Variants in DTD1 observed in about 807,000 individuals in gnomAD.
The protein encoded by DTD1 is D-tyrosyl-tRNA deacylase 1 homolog.
In DTD1, 13 loss-of-function variants were observed where a neutral mutation model predicts 25.6. The ratio of observed to expected loss-of-function variants is 0.51; its 90% CI spans 0.33 to 0.81. The LOEUF is 0.81. Ranked by LOEUF, DTD1 falls within the 30% of genes least tolerant of loss-of-function variation. The pLI is 0.02. For synonymous variants in DTD1, 110 were observed against 103.6 expected (o/e 1.06, Z -0.37); for missense variants, 193 against 266.4 (o/e 0.72, Z 1.92).
intron 4 of DTD1, among the ~76,000 whole-genome samples, chr20:18,702,744 C>CGA (rs2061111031): frequency 8.1e-6 from 1 of 123,116 alleles, no homozygotes; most frequent in African/African-American, 3.1e-5. Flanking sequence ...TGGAATGAGG[C>CGA]AAAAAAAAAA....
intron 4 of DTD1, among the ~76,000 whole-genome samples, chr20:18,741,255 A>G (rs565517039): frequency 6.6e-6 from 1 of 152,324 alleles, no homozygotes; most frequent in South Asian, 2.1e-4. Context: ...CAGTGGCGTG[A>G]TCTCGGCTCA....
intron 5 of DTD1, among the ~76,000 whole-genome samples, chr20:18,748,340 T>A (rs1474162641): frequency 1.3e-5 from 2 of 152,242 alleles, no homozygotes; most frequent in Non-Finnish European, 2.9e-5. Flanking sequence ...TTTTGCTTTA[T>A]ATCTGATCAG....
intron 3 of DTD1, among the ~76,000 whole-genome samples, chr20:18,606,377 T>C (rs2060657977): frequency 1.5e-5 from 2 of 136,492 alleles, no homozygotes; most frequent in African/African-American, 5.5e-5. Flanking sequence ...TGGCGATTCC[T>C]CAGGGATCTA....
intron 4 of DTD1, among the ~76,000 whole-genome samples, chr20:18,708,026 C>G (rs2061133376): frequency 6.7e-6 from 1 of 150,108 alleles, no homozygotes; most frequent in South Asian, 2.1e-4. Flanking sequence ...TGGTTAGGAG[C>G]TTGGGGAGAC....
intron 4 of DTD1, among the ~76,000 whole-genome samples, chr20:18,628,988 A>ATTTTT (rs10594706): frequency 1.4e-5 from 1 of 71,554 alleles, no homozygotes. Context: ...TCAAAGCCTG[A>ATTTTT]TTTTTTTTTT....
At chr20:18,662,780 T>C (rs1042494267) in intron 4 of DTD1, among the ~76,000 whole-genome samples, 3 of 152,068 alleles carry the variant, frequency 2.0e-5, no homozygotes, top group African/African-American at 7.2e-5. Context: ...TCCTTTTAAA[T>C]AGATATAAAA....
At chr20:18,595,101 G>C (rs949269801) in intron 2 of DTD1, among the ~76,000 whole-genome samples, 5 of 152,164 alleles carry the variant, frequency 3.3e-5, no homozygotes, top group African/African-American at 7.2e-5. Flanking sequence ...GATGTCACCT[G>C]GTCAACTTTC....
chr20:18,712,364 C>A (rs1334716964), intron 4 of DTD1, among the ~76,000 whole-genome samples: 1 of 115,440 alleles, frequency 8.7e-6, no homozygotes, highest in Non-Finnish European at 1.6e-5. Context: ...CATATGATAT[C>A]ATTTTCATAA....
At chr20:18,588,908 CATTT>C in intron 1 of DTD1, 2 of 972,362 alleles carry the variant, frequency 2.1e-6, no homozygotes, top group African/African-American at 3.5e-5. Flanking sequence ...TTTTAAAAAA[CATTT>C]AAATGACAAG....
At chr20:18,645,281 TATTGAAGCATCTA>T (rs1205126665) in intron 4 of DTD1, among the ~76,000 whole-genome samples, 3 of 152,212 alleles carry the variant, frequency 2.0e-5, no homozygotes, top group African/African-American at 7.2e-5. Flanking sequence ...TCAGGAGTTT[TATTGAAGCATCTA>T]ATTTTCACCT....
At chr20:18,679,551 G>C (rs968882726) in intron 4 of DTD1, among the ~76,000 whole-genome samples, 1 of 152,158 alleles carries the variant, frequency 6.6e-6, no homozygotes, top group African/African-American at 2.4e-5. Context: ...GATTGTCAGG[G>C]GGAAGAATAA....
At chr20:18,711,052 G>T (rs1459722375) in intron 4 of DTD1, among the ~76,000 whole-genome samples, 1 of 152,180 alleles carries the variant, frequency 6.6e-6, no homozygotes, top group Non-Finnish European at 1.5e-5. Flanking sequence ...AGGTGAGTCT[G>T]GAGCAGTGCT....
Position 18,671,270 on chromosome 20 carries a change from G to C in DTD1, c.477+43037G>C, listed in dbSNP as rs138750806. Among the ~76,000 whole-genome samples, 760 of 152,310 alleles carry C rather than the reference G, an allele frequency of 5.0e-3. 7 individuals carry two copies. The highest frequency in any genetic ancestry group is 0.018 in the African/African-American group (738 of 41,566). On this transcript the variant is annotated intron_variant, in intron 4 of 5. Coordinates refer to ENST00000377452, the MANE Select transcript of DTD1 (RefSeq NM_080820.6). ...TTACTTTAATGGCTTATTTAATTGA[G>C]AACATTTCAATGAAAAAATGTTTAA... is the stretch of plus-strand genomic sequence containing the variant.
chr20:18,669,411 G>T (rs766911258), intron 4 of DTD1, among the ~76,000 whole-genome samples: 1 of 152,132 alleles, frequency 6.6e-6, no homozygotes, highest in Admixed American at 6.5e-5. Context: ...AGGTATTTCC[G>T]CCTGAAAGTT....
chr20:18,733,914 C>T (rs955719924), intron 4 of DTD1, among the ~76,000 whole-genome samples: 1 of 152,180 alleles, frequency 6.6e-6, no homozygotes, highest in Non-Finnish European at 1.5e-5. Context: ...CATAATGGCA[C>T]TCTACACGGT....
At chr20:18,751,741 A>G (rs2061322029) in intron 5 of DTD1, among the ~76,000 whole-genome samples, 1 of 151,792 alleles carries the variant, frequency 6.6e-6, no homozygotes, top group South Asian at 2.1e-4. Flanking sequence ...TGATCCACAC[A>G]CCTCAGCCTC....
chr20:18,620,359 G>T (rs1221521520), intron 3 of DTD1, among the ~76,000 whole-genome samples: 6 of 152,132 alleles, frequency 3.9e-5, no homozygotes, highest in Non-Finnish European at 8.8e-5. Flanking sequence ...AACTCAATGG[G>T]TCTAACCCTG....
chr20:18,680,770 A>G (rs563934693), intron 4 of DTD1, among the ~76,000 whole-genome samples: 1 of 152,186 alleles, frequency 6.6e-6, no homozygotes, highest in Non-Finnish European at 1.5e-5. Flanking sequence ...GACCTTGAAC[A>G]GGCCTCACTT....
chr20:18,726,328 A>G (rs1272848554), intron 4 of DTD1, among the ~76,000 whole-genome samples: 1 of 152,200 alleles, frequency 6.6e-6, no homozygotes, highest in Admixed American at 6.5e-5. Context: ...TTGATTTAAT[A>G]ATTGAAAATC....
Sources: allele counts gnomAD v4.1 joint callset (sites outside exome capture counted in the v4.1 genomes callset), GRCh38; gene constraint gnomAD v4.1.1; transcripts MANE v1.5; gene names NCBI Gene and HGNC (gene_info 2026-07-23, HGNC 2026-07-21).